The following FADS1 variants were observed in gnomAD, a reference collection of about 807,000 sequenced individuals.
FADS1 encodes the protein acyl-CoA (8-3)-desaturase.
Under a neutral mutation model 61.6 loss-of-function variants are expected in FADS1, and 17 were observed. The observed-to-expected ratio is 0.28, with a 90% CI of 0.19 to 0.41. The LOEUF is 0.41. Among genes scored for constraint, FADS1 ranks in the 10% least tolerant of loss-of-function variants. The pLI is 1.00. For missense variants in FADS1, 387 were observed against 650.9 expected (o/e 0.59, Z 4.41); for synonymous variants, 238 against 258.7 (o/e 0.92, Z 0.77).
At chr11:61,808,796 A>G (rs2066912837) in intron 5 of FADS1, among the ~76,000 whole-genome samples, 1 of 152,172 alleles carries the variant, frequency 6.6e-6, no homozygotes, top group Non-Finnish European at 1.5e-5. Context: ...ACTGCCTCCA[A>G]AACATATCCC....
rs549673584 is a variant in FADS1 at position 61,803,597 on chromosome 11, C to T, written c.1151+73G>A. ...CCCACTGTTACCCAAAGCCCCAGCACGGCCCCTAGACCAGACTGGTCACTC... is the reference window on the plus strand; with the variant it reads ...CCCACTGTTACCCAAAGCCCCAGCATGGCCCCTAGACCAGACTGGTCACTC... On this transcript the variant is annotated intron_variant, in intron 8 of 11. Coordinates refer to ENST00000350997, the MANE Select transcript of FADS1 (RefSeq NM_013402.7). This position sits in a 1 kb window ranked among gnomAD's most constrained non-coding sequence, Gnocchi z 4.3. 1.9e-4 allele frequency: 263 copies of T among 1,407,004 alleles called. No homozygotes were observed. In the Admixed American group the frequency reaches 2.1e-3, roughly 11 times the overall value. 87.2% of individuals were successfully genotyped at this position (1,407,004 alleles called of 1,614,324 possible).
Position 61,802,651 on chromosome 11 carries a change from T to A in FADS1, c.1454+150A>T. The A allele has an allele frequency of 7.8e-7, 1 of 1,282,194 alleles. No homozygotes were observed. The highest frequency in any genetic ancestry group is 1.1e-6 in the Non-Finnish European group (1 of 913,048). 79.4% of individuals were successfully genotyped at this position (1,282,194 alleles called of 1,614,324 possible). On this transcript the variant is annotated intron_variant, in intron 11 of 11. Coordinates refer to ENST00000350997, the MANE Select transcript of FADS1 (RefSeq NM_013402.7). This position sits in a 1 kb window ranked among gnomAD's most constrained non-coding sequence, Gnocchi z 4.2. Reference sequence around the variant, plus strand: ...GGCAAAGGCCTGACCTGGCCACAGGTCCAATAAAGAATCCTGCCTTTGCCA... The same window carrying A: ...GGCAAAGGCCTGACCTGGCCACAGGACCAATAAAGAATCCTGCCTTTGCCA...
At chr11:61,810,609 G>T in intron 5 of FADS1, 142 bp downstream of exon 5, 2 of 1,046,710 alleles carry the variant, frequency 1.9e-6, no homozygotes, top group East Asian at 2.4e-5. Context: ...TTGCCTTCCA[G>T]AACTTCCAAA....
rs145082135 is a variant in FADS1, at chr11:61,812,387, C to G, written c.684+84G>C. The G allele has an allele frequency of 2.8e-4, 362 of 1,305,250 alleles. 1 individual carries two copies. The African/African-American group carries it at 4.4e-3, about 16-fold the overall frequency. 80.9% of individuals were successfully genotyped at this position (1,305,250 alleles called of 1,614,324 possible). On this transcript the variant is annotated intron_variant, in intron 3 of 11. Coordinates refer to ENST00000350997, the MANE Select transcript of FADS1 (RefSeq NM_013402.7). ...ATCTGCCCTGCTTGGAGGGCAGGCA[C>G]TCTTGGCCTTCCTCAAACACCCAAG...
At chr11:61,804,898 G>C in intron 6 of FADS1, 137 bp from the exon 7 acceptor site, 1 of 726,540 alleles carries the variant, frequency 1.4e-6, no homozygotes, top group Non-Finnish European at 2.4e-6. Flanking sequence ...CCAGGTGCTT[G>C]AGTGCTCTGC....
At chr11:61,813,388 G>GC (rs768064408) in intron 1 of FADS1, 35 bp from the exon 2 acceptor site, 1 of 1,313,288 alleles carries the variant, frequency 7.6e-7, no homozygotes, top group Non-Finnish European at 1.1e-6. Flanking sequence ...AGGTGAGGGA[G>GC]CCAGCCCCCT....
In FADS1 at chr11:61,799,695, A is replaced by C. The variant is rs2066841589; in HGVS notation, c.*2716T>G. ...GATAACAAAATTGGCACACACAAAA[A>C]GAATACTGATATTGGGCCTGATTTA... is the stretch of plus-strand genomic sequence containing the variant. On this transcript the variant is annotated 3_prime_UTR_variant, in exon 12 of 12. Coordinates refer to ENST00000350997, the MANE Select transcript of FADS1 (RefSeq NM_013402.7). The C allele has an allele frequency of 1.3e-5, 2 of 152,374 alleles. No homozygotes were observed. The highest frequency in any genetic ancestry group is 1.3e-4 in the Admixed American group (2 of 15,284). The allele number at this position is 152,374 out of a possible 1,614,324, so 9.4% of individuals were successfully genotyped here.
chr11:61,813,415 C>CGCACCAAAGGCCATCCTCCT, intron 1 of FADS1, 62 bp from the exon 2 acceptor site: 1 of 974,546 alleles, frequency 1.0e-6, no homozygotes, highest in Admixed American at 2.0e-5. Flanking sequence ...CGGCAGTGTT[C>CGCACCAAAGGCCATCCTCCT]GCACCAAAGG....
Position 61,803,847 on chromosome 11 carries a change from G to A in FADS1, c.1054-80C>T. On this transcript the variant is annotated intron_variant, in intron 7 of 11. Coordinates refer to ENST00000350997, the MANE Select transcript of FADS1 (RefSeq NM_013402.7). The surrounding 1 kb of genome is among the most constrained non-coding windows in gnomAD (Gnocchi z 4.3). The stretch of plus-strand genomic sequence containing the variant: ...CTCAGCAGCTCTTTGTTTGCATGGT[G>A]CAGCCATTCTCCTGGTTATCCAGAC... 1 of 1,060,880 alleles carries A rather than the reference G, an allele frequency of 9.4e-7. No individual in the cohort carries two copies. The highest frequency in any genetic ancestry group is 1.5e-6 in the Non-Finnish European group (1 of 687,714). The allele number at this position is 1,060,880 out of a possible 1,614,324, so 65.7% of individuals were successfully genotyped here. A position where few individuals can be genotyped will look rare whatever the true frequency, so the allele number is the denominator to read the frequency against.
At position 61,803,061 on chromosome 11, in the gene FADS1, A is replaced by G. The variant is rs777229987; in HGVS notation, c.1299T>C (p.Ser433=). The change falls in exon 10 of 12, where the codon AGT becomes AGC. Residue 433 remains serine, a synonymous_variant. Coordinates refer to ENST00000350997, the MANE Select transcript of FADS1 (RefSeq NM_013402.7). The surrounding 1 kb of genome is among the most constrained non-coding windows in gnomAD (Gnocchi z 4.3). The part of the protein sequence containing the change: ...VHKSAFNDWF[S]GHLNFQIEHH... ...GCTCAATCTGGAAGTTGAGGTGTCC[A>G]CTGAACCAGTCATTGAAGGCAGACT... The G allele has an allele frequency of 1.2e-6, 2 of 1,614,160 alleles. No homozygotes were observed. Among genetic ancestry groups the G allele is most frequent in the Non-Finnish European group, 1.7e-6 (2 of 1,180,020 alleles).
chr11:61,810,846 A>C lies in FADS1; in HGVS notation c.820T>G (p.Phe274Val). Reference protein sequence around the residue: ...APASWWNHMHFQHHAKPNCFR... With the variant: ...APASWWNHMHVQHHAKPNCFR... ...CAGTTGGGCTTGGCATGGTGCTGGA[A>C]GTGCATGTGGTTCCACCAACTGGCG... Residue 274 changes from phenylalanine (F) to valine (V), a missense_variant, in exon 5 of 12, where the codon TTC (phenylalanine) becomes GTC (valine). Transcript: ENST00000350997. The C allele has an allele frequency of 6.2e-7, 1 of 1,614,200 alleles. No homozygotes were observed. Among genetic ancestry groups the C allele is most frequent in the Non-Finnish European group, 8.5e-7 (1 of 1,180,040 alleles).
chr11:61,802,154 A>G lies in FADS1; in HGVS notation c.*257T>C. On this transcript the variant is annotated 3_prime_UTR_variant, in exon 12 of 12. Transcript: ENST00000350997. The surrounding 1 kb of genome is among the most constrained non-coding windows in gnomAD (Gnocchi z 4.2). The stretch of plus-strand genomic sequence containing the variant: ...GTTCACCAACTACCTGCATGTGCCA[A>G]ACTAGAAAAAGGAAATAATTTACAC... 1 of 487,194 alleles carries G rather than the reference A, an allele frequency of 2.1e-6. No homozygotes were observed. The highest frequency in any genetic ancestry group is 2.4e-5 in the South Asian group (1 of 41,658). The allele number at this position is 487,194 out of a possible 1,614,324, so 30.2% of individuals were successfully genotyped here.
chr11:61,806,446 A>G, intron 6 of FADS1: 1 of 560,862 alleles, frequency 1.8e-6, no homozygotes, highest in South Asian at 2.3e-5. Context: ...TTGGATGGGA[A>G]GAACTAGTTT....
rs1730398116 is a variant in FADS1, at chr11:61,800,505, G to A, written c.*1906C>T. On this transcript the variant is annotated 3_prime_UTR_variant, in exon 12 of 12. Transcript: ENST00000350997. ...AACCTCTAATCTTCCATGTCTTTGT[G>A]TTGACAAACCTAACCTTCCATGTCT... The A allele has an allele frequency of 6.6e-6, 1 of 152,232 alleles. No individual in the cohort carries two copies. The allele number at this position is 152,232 out of a possible 1,614,324, so 9.4% of individuals were successfully genotyped here.
rs2066981129 is a variant in FADS1, at chr11:61,816,220, T to C, written c.375+335A>G. On this transcript the variant is annotated intron_variant, in intron 1 of 11. Transcript: ENST00000350997. The surrounding 1 kb of genome is among the most constrained non-coding windows in gnomAD (Gnocchi z 7.0). ...CGGCCTGCATCCTTGCTCTCCTCCC[T>C]CCTAGCCTACCCAGCTCGGGGTTCT... 2 of 1,585,332 alleles carry C rather than the reference T, an allele frequency of 1.3e-6. No individual in the cohort carries two copies. The highest frequency in any genetic ancestry group is 8.5e-7 in the Non-Finnish European group (1 of 1,171,808).
Position 61,800,317 on chromosome 11 carries a change from C to T in FADS1, c.*2094G>A, listed in dbSNP as rs1341527779. 6.6e-6 allele frequency: 1 copy of T among 152,286 alleles called. No homozygotes were observed. Among genetic ancestry groups the T allele is most frequent in the Non-Finnish European group, 1.5e-5 (1 of 68,052 alleles). 9.4% of individuals were successfully genotyped at this position (152,286 alleles called of 1,614,324 possible). Reference sequence around the variant, plus strand: ...CAAGTGATCCTCCTGCCTGGACCTCCCAAAAGTGTTGGGATTACAGGCATG... The same window carrying T: ...CAAGTGATCCTCCTGCCTGGACCTCTCAAAAGTGTTGGGATTACAGGCATG... On this transcript the variant is annotated 3_prime_UTR_variant, in exon 12 of 12. Transcript: ENST00000350997.
rs190323640 is a variant in FADS1, at chr11:61,801,920, G to A, written c.*491C>T. ...TTTTGAAATGGAGTCTTGCTCTGTC[G>A]CCCAGGCTGGAGTACAATGGCGTGA... On this transcript the variant is annotated 3_prime_UTR_variant, in exon 12 of 12. Coordinates refer to ENST00000350997, the MANE Select transcript of FADS1 (RefSeq NM_013402.7). 348 of 148,902 alleles carry A rather than the reference G, an allele frequency of 2.3e-3. 2 individuals are homozygous for A. Among genetic ancestry groups the A allele is most frequent in the Non-Finnish European group, 3.8e-3 (262 of 68,262 alleles). The allele number at this position is 148,902 out of a possible 1,614,324, so 9.2% of individuals were successfully genotyped here. A position where few individuals can be genotyped will look rare whatever the true frequency, so the allele number is the denominator to read the frequency against.
At position 61,802,944 on chromosome 11, in the gene FADS1, G is replaced by A. The variant is rs2066867177; in HGVS notation, c.1329-18C>T. 1 of 1,612,960 alleles carries A rather than the reference G, an allele frequency of 6.2e-7. No homozygotes were observed. Among genetic ancestry groups the A allele is most frequent in the Non-Finnish European group, 8.5e-7 (1 of 1,179,132 alleles). Reference sequence around the variant, plus strand: ...GAAAAAGACTTTAGGGAGAACGGGGGAGTCAGTGGTTCCTGCTTCTCTGCT... The same window carrying A: ...GAAAAAGACTTTAGGGAGAACGGGGAAGTCAGTGGTTCCTGCTTCTCTGCT... On this transcript the variant is annotated intron_variant, in intron 10 of 11. Coordinates refer to ENST00000350997, the MANE Select transcript of FADS1 (RefSeq NM_013402.7). The surrounding 1 kb of genome is among the most constrained non-coding windows in gnomAD (Gnocchi z 4.2).
chr11:61,811,383 A>C (rs2066929963), intron 3 of FADS1, among the ~76,000 whole-genome samples: 2 of 151,228 alleles, frequency 1.3e-5, no homozygotes, highest in South Asian at 4.2e-4. Context: ...GATCACTGCA[A>C]CCTCCGCCTC....
Sources: allele counts gnomAD v4.1 joint callset (sites outside exome capture counted in the v4.1 genomes callset), GRCh38; gene constraint gnomAD v4.1.1; non-coding constraint Gnocchi (gnomAD v3.1); transcripts MANE v1.5; gene names NCBI Gene and HGNC (gene_info 2026-07-23, HGNC 2026-07-21).